Variants in MED12L observed in about 807,000 individuals in gnomAD.
MED12L encodes mediator of RNA polymerase II transcription subunit 12-like protein.
A neutral mutation model predicts 281.3 loss-of-function variants in MED12L; 60 were observed. The observed-to-expected ratio is 0.21, with a 90% confidence interval of 0.17 to 0.26. MED12L has a LOEUF of 0.26. MED12L is among the 10% of genes least tolerant of loss of function. MED12L has a pLI of 1.00. For missense variants in MED12L, 2,146 were observed against 2,680.9 expected, an observed-to-expected ratio of 0.80 and a Z score of 4.41; for synonymous variants, 974 against 987.2, an observed-to-expected ratio of 0.99 and a Z score of 0.25.
At chr3:151,151,720 T>A (rs1255153837) in intron 5 of MED12L, among the ~76,000 whole-genome samples, 4 of 152,096 alleles carry the variant, frequency 2.6e-5, no homozygotes, top group Admixed American at 6.6e-5. Context: ...TTTACAATAG[T>A]CACTCAAAGA....
At chr3:151,336,633 G>T (rs1274097414) in intron 16 of MED12L, 4 of 441,168 alleles carry the variant, frequency 9.1e-6, no homozygotes, top group African/African-American at 8.1e-5. Context: ...AATATGCCTT[G>T]TGTAGAATTA....
At chr3:151,121,585 T>C (rs575885527) in intron 3 of MED12L, among the ~76,000 whole-genome samples, 34 of 152,382 alleles carry the variant, frequency 2.2e-4, no homozygotes, top group African/African-American at 6.7e-4. Context: ...GCTAACTTCA[T>C]TGGGGATATT....
intron 16 of MED12L, chr3:151,213,186 A>G: frequency 1.3e-6 from 1 of 771,480 alleles, no homozygotes. Flanking sequence ...ACTAAATTGG[A>G]TGGCAGTGCT....
intron 16 of MED12L, among the ~76,000 whole-genome samples, chr3:151,199,791 T>A (rs933881362): frequency 6.6e-6 from 1 of 151,668 alleles, no homozygotes; most frequent in African/African-American, 2.4e-5. Context: ...GAAACTAGGG[T>A]TGTGGTTGAG....
chr3:151,100,735 A>G (rs1337983010), intron 2 of MED12L, among the ~76,000 whole-genome samples: 1 of 152,200 alleles, frequency 6.6e-6, no homozygotes, highest in African/African-American at 2.4e-5. Flanking sequence ...TTCTTTATGA[A>G]TTGGAGACAC....
At chr3:151,261,255 C>T (rs1738827347) in intron 16 of MED12L, 1 of 151,898 alleles carries the variant, frequency 6.6e-6, no homozygotes, top group Non-Finnish European at 1.5e-5. Context: ...AAAAAAAACC[C>T]CAAAAGGCAG....
intron 16 of MED12L, among the ~76,000 whole-genome samples, chr3:151,265,610 G>A (rs538433196): frequency 6.6e-6 from 1 of 152,210 alleles, no homozygotes; most frequent in Non-Finnish European, 1.5e-5. Context: ...TATACAGCAG[G>A]CTCATCATAA....
intron 16 of MED12L, among the ~76,000 whole-genome samples, chr3:151,239,129 G>A (rs914421089): frequency 5.3e-5 from 8 of 152,330 alleles, no homozygotes; most frequent in East Asian, 1.9e-4. Context: ...TTTTGGTACT[G>A]TAGAATGAAA....
chr3:151,294,688 C>T (rs755974108), intron 16 of MED12L: 7 of 1,614,168 alleles, frequency 4.3e-6, no homozygotes, highest in Non-Finnish European at 5.1e-6. Flanking sequence ...GGATATTGTC[C>T]TCTGTTGGCT....
intron 16 of MED12L, among the ~76,000 whole-genome samples, chr3:151,218,329 GA>G (rs1728632214): frequency 6.6e-6 from 1 of 152,238 alleles, no homozygotes; most frequent in East Asian, 1.9e-4. Flanking sequence ...ATTAAAAGAT[GA>G]ACAGGACTTC....
At chr3:151,327,685 G>A (rs1235152308) in intron 16 of MED12L, 4 of 201,272 alleles carry the variant, frequency 2.0e-5, no homozygotes, top group Admixed American at 5.8e-5. Context: ...AGGGATATAC[G>A]TTTCTCCTTA....
intron 38 of MED12L, among the ~76,000 whole-genome samples, chr3:151,390,985 A>G (rs1251530867): frequency 1.3e-5 from 2 of 152,094 alleles, no homozygotes; most frequent in African/African-American, 4.8e-5. Flanking sequence ...CCAAATCTTA[A>G]TTTCTCTGTG....
chr3:151,436,447 A>ATTGT lies in MED12L; in HGVS notation c.*3645_*3648dup. 5.3e-6 allele frequency: 2 copies of ATTGT among 376,864 alleles called. No individual in the cohort carries two copies. The highest frequency in any genetic ancestry group is 4.4e-5 in the South Asian group (1 of 22,692). The allele number at this position is 376,864 out of a possible 1,614,324, so 23.3% of individuals were successfully genotyped here. A position where few individuals can be genotyped will look rare whatever the true frequency, so the allele number is the denominator to read the frequency against. On this transcript the variant is annotated 3_prime_UTR_variant, in exon 45 of 45. Coordinates refer to ENST00000687756, the MANE Select transcript of MED12L (RefSeq NM_001393769.1). ...TAGTGAACCGTTTCAATGTTTGTTT[A>ATTGT]TTGTTATTTGTTGGCAAAATAAAAG...
chr3:151,371,921 A>G (rs1029203447), intron 26 of MED12L, among the ~76,000 whole-genome samples: 1 of 152,172 alleles, frequency 6.6e-6, no homozygotes, highest in Non-Finnish European at 1.5e-5. Context: ...CCTTAGCTTC[A>G]TTTCACTAAG....
chr3:151,114,762 T>G (rs1712465076), intron 2 of MED12L, among the ~76,000 whole-genome samples: 1 of 152,058 alleles, frequency 6.6e-6, no homozygotes, highest in Non-Finnish European at 1.5e-5. Flanking sequence ...AGGTTTTTTT[T>G]TTTTTTCTTT....
At chr3:151,224,892 C>G (rs1293009596) in intron 16 of MED12L, among the ~76,000 whole-genome samples, 1 of 152,120 alleles carries the variant, frequency 6.6e-6, no homozygotes, top group Non-Finnish European at 1.5e-5. Context: ...ATATTTCTTC[C>G]TTTGCCAAGG....
At chr3:151,219,828 C>A (rs1024841401) in intron 16 of MED12L, among the ~76,000 whole-genome samples, 4 of 147,940 alleles carry the variant, frequency 2.7e-5, no homozygotes, top group African/African-American at 1.0e-4. Context: ...GTTGCAGCCT[C>A]TTGTGGGAAA....
At chr3:151,345,642 C>A (rs764300972) in intron 16 of MED12L, among the ~76,000 whole-genome samples, 4 of 151,426 alleles carry the variant, frequency 2.6e-5, no homozygotes, top group African/African-American at 7.3e-5. Flanking sequence ...CTCAGCCTCC[C>A]GAGTAGCTGA....
At chr3:151,194,983 T>G (rs1312371977) in intron 16 of MED12L, among the ~76,000 whole-genome samples, 3 of 152,078 alleles carry the variant, frequency 2.0e-5, no homozygotes, top group Non-Finnish European at 4.4e-5. Flanking sequence ...GCTAACATGG[T>G]GAAACCCCGT....
Sources: gnomAD v4.1 joint callset for allele counts (sites outside exome capture counted in the v4.1 genomes callset) on GRCh38, gnomAD v4.1.1 for gene constraint, MANE v1.5 for transcripts, NCBI Gene and HGNC (gene_info 2026-07-23, HGNC 2026-07-21) for gene names.